Variants in WHRN observed in about 807,000 individuals in gnomAD.
The protein encoded by WHRN is whirlin, also known as CASK-interacting protein CIP98.
WHRN carries 41 observed loss-of-function variants against 68.3 expected under a neutral mutation model. The ratio of observed to expected loss-of-function variants is 0.60; its 90% CI spans 0.47 to 0.78. WHRN has a LOEUF of 0.78. WHRN is among the 30% of genes least tolerant of loss of function. The pLI, the probability that WHRN is intolerant of heterozygous loss-of-function variation, is 0.00. For synonymous variants in WHRN, 560 were observed against 561.3 expected, an observed-to-expected ratio of 1.00 and a Z score of 0.03; for missense variants, 1,243 against 1,244.7, an observed-to-expected ratio of 1.00 and a Z score of 0.02.
At chr9:114,433,463 T>C (rs1421145955) in intron 3 of WHRN, among the ~76,000 whole-genome samples, 1 of 152,222 alleles carries the variant, frequency 6.6e-6, no homozygotes, top group Non-Finnish European at 1.5e-5. Flanking sequence ...AAATGGATCT[T>C]GCGGCTTCAA....
chr9:114,504,099 A>G (rs1375168318), intron 1 of WHRN, 85 bp downstream of exon 1: 2 of 1,602,860 alleles, frequency 1.2e-6, no homozygotes, highest in Non-Finnish European at 1.7e-6. Flanking sequence ...TGATTCATCT[A>G]AGGACACACA....
chr9:114,431,412 T>G (rs1837410932), intron 3 of WHRN, among the ~76,000 whole-genome samples: 3 of 152,198 alleles, frequency 2.0e-5, no homozygotes, highest in Admixed American at 6.5e-5. Context: ...TCAAGGTCAC[T>G]GGTCGTACTG....
intron 3 of WHRN, among the ~76,000 whole-genome samples, chr9:114,440,295 G>A (rs937711140): frequency 6.6e-6 from 1 of 152,108 alleles, no homozygotes. Flanking sequence ...TCAGTGCAGC[G>A]ATGCAATCTT....
chr9:114,467,578 G>A (rs938144310), intron 2 of WHRN, among the ~76,000 whole-genome samples: 1 of 152,150 alleles, frequency 6.6e-6, no homozygotes, highest in Non-Finnish European at 1.5e-5. Context: ...GCTCAGGAGA[G>A]CAAGTCCCGC....
At chr9:114,428,789 G>A (rs941466178) in intron 3 of WHRN, among the ~76,000 whole-genome samples, 5 of 151,944 alleles carry the variant, frequency 3.3e-5, no homozygotes, top group African/African-American at 4.8e-5. Flanking sequence ...CCCCTGAGCA[G>A]ATCCTTCAGC....
At chr9:114,473,994 T>C (rs1447119278) in intron 2 of WHRN, among the ~76,000 whole-genome samples, 4 of 152,162 alleles carry the variant, frequency 2.6e-5, no homozygotes, top group African/African-American at 9.6e-5. Flanking sequence ...GGCAACACAC[T>C]CGCCCTCCCA....
At chr9:114,454,623 G>A (rs1260879801) in intron 3 of WHRN, among the ~76,000 whole-genome samples, 2 of 151,706 alleles carry the variant, frequency 1.3e-5, no homozygotes, top group South Asian at 4.2e-4. Flanking sequence ...ATAGTATGAA[G>A]ATGTTAAATC....
intron 7 of WHRN, among the ~76,000 whole-genome samples, chr9:114,421,215 G>T (rs574742314): frequency 1.3e-5 from 2 of 152,314 alleles, no homozygotes; most frequent in Admixed American, 6.5e-5. Context: ...GAGCCCCTCT[G>T]GCAGAGCAGG....
chr9:114,424,857 G>A (rs1414751506), intron 5 of WHRN, 131 bp downstream of exon 5: 18 of 1,028,862 alleles, frequency 1.7e-5, no homozygotes, highest in Non-Finnish European at 2.8e-5. Context: ...AGTGGGCTGG[G>A]GGGTGGGCAG....
intron 1 of WHRN, among the ~76,000 whole-genome samples, chr9:114,493,744 C>T (rs1010421525): frequency 6.6e-6 from 1 of 152,304 alleles, no homozygotes; most frequent in East Asian, 1.9e-4. Context: ...GGAAAAAGTG[C>T]CCAATGCCAC....
intron 1 of WHRN, among the ~76,000 whole-genome samples, chr9:114,483,922 T>C (rs1335163478): frequency 6.6e-6 from 1 of 152,204 alleles, no homozygotes; most frequent in Non-Finnish European, 1.5e-5. Context: ...CACCCAGGGA[T>C]AACTCCAGGC....
chr9:114,465,538 T>C (rs751395293), intron 3 of WHRN, among the ~76,000 whole-genome samples: 8 of 152,158 alleles, frequency 5.3e-5, no homozygotes, highest in Non-Finnish European at 8.8e-5. Flanking sequence ...GGCATCAGGA[T>C]TTAGCCCAAA....
At chr9:114,425,636 G>A in intron 4 of WHRN, 1 of 139,636 alleles carries the variant, frequency 7.2e-6, no homozygotes, top group Non-Finnish European at 1.5e-5. Context: ...CACACAGAGA[G>A]ACACAGACAG....
intron 3 of WHRN, among the ~76,000 whole-genome samples, chr9:114,431,107 A>G (rs1262094240): frequency 6.6e-6 from 1 of 152,030 alleles, no homozygotes; most frequent in Non-Finnish European, 1.5e-5. Flanking sequence ...TCCTAGTGTC[A>G]CCCCGTGTGG....
At chr9:114,404,218 G>A (rs1171425296) in intron 9 of WHRN, 141 bp from the exon 10 acceptor site, 1 of 935,802 alleles carries the variant, frequency 1.1e-6, no homozygotes, top group African/African-American at 1.6e-5. Context: ...AAGAGATCGT[G>A]GGGCCAGAGG....
rs1273462208 is a variant in WHRN, at chr9:114,477,740, C to T, written c.837+813G>A. Among the ~76,000 whole-genome samples, 3 of 152,308 alleles carry T rather than the reference C, an allele frequency of 2.0e-5. No homozygotes were observed. The South Asian group carries it at 6.2e-4, about 32-fold the overall frequency. On this transcript the variant is annotated intron_variant, in intron 2 of 11. Coordinates refer to ENST00000362057, the MANE Select transcript of WHRN (RefSeq NM_015404.4). ...TCTCGGCTTCAATTCTGGGACTGCC[C>T]CTGTCCTTCCAGTACATCCCTGCTC...
chr9:114,425,909 A>C (rs1836809314), intron 4 of WHRN: 1 of 447,876 alleles, frequency 2.2e-6, no homozygotes, highest in South Asian at 2.1e-5. Context: ...ATCTGGGATG[A>C]GGGCAGGGTT....
intron 2 of WHRN, 107 bp from the exon 3 acceptor site, chr9:114,466,499 A>T (rs1840708198): frequency 6.5e-7 from 1 of 1,526,918 alleles, no homozygotes; most frequent in African/African-American, 1.4e-5. Context: ...ATCTTATCCG[A>T]CTGGCAAGGA....
rs571929369 is a variant in WHRN, at chr9:114,493,308, G to A, written c.618+10876C>T. On this transcript the variant is annotated intron_variant, in intron 1 of 11. Transcript: ENST00000362057. ...CAAAGCTGCAGAGAGCTGTTATCGC[G>A]CCACTGCACTCCAGCCTGGCCAACA... Among the ~76,000 whole-genome samples the A allele has an allele frequency of 1.0e-3, 127 of 124,148 alleles. No individual in the cohort carries two copies. In the South Asian group the frequency reaches 0.016, roughly 16 times the overall value. The allele number at this position is 124,148 out of a possible 152,430, so 81.4% of individuals were successfully genotyped here. A position where few individuals can be genotyped will look rare whatever the true frequency, so the allele number is the denominator to read the frequency against.
Sources: gnomAD v4.1 joint callset for allele counts (sites outside exome capture counted in the v4.1 genomes callset) on GRCh38, gnomAD v4.1.1 for gene constraint, MANE v1.5 for transcripts, NCBI Gene and HGNC (gene_info 2026-07-23, HGNC 2026-07-21) for gene names.